The following TCEANC2 variants were observed in gnomAD, a reference collection of about 807,000 sequenced individuals.
The protein encoded by TCEANC2 is transcription elongation factor A N-terminal and central domain-containing protein 2.
In TCEANC2, 20 loss-of-function variants were observed where a neutral mutation model predicts 22.8. The observed-to-expected ratio is 0.88, with a 90% confidence interval of 0.62 to 1.28. The LOEUF is 1.28. Among genes scored for constraint, TCEANC2 ranks in the 50% most tolerant of loss-of-function variants. The pLI is 0.00. For synonymous variants in TCEANC2, 84 were observed against 95.5 expected (o/e 0.88, Z 0.70); for missense variants, 251 against 249.7 (o/e 1.01, Z -0.03).
At chr1:54,068,665 T>C (rs991239320) in intron 2 of TCEANC2, 91 bp from the exon 3 acceptor site, 1 of 1,319,262 alleles carries the variant, frequency 7.6e-7, no homozygotes, top group Non-Finnish European at 1.0e-6. Flanking sequence ...CAATAATTCA[T>C]ATGTCAATAG....
At chr1:54,092,486 A>G (rs189845181) in intron 4 of TCEANC2, among the ~76,000 whole-genome samples, 19 of 152,338 alleles carry the variant, frequency 1.2e-4, no homozygotes, top group South Asian at 6.2e-4. Context: ...TATCTGCTAT[A>G]TATATGATGT....
At position 54,088,788 on chromosome 1, in the gene TCEANC2, A is replaced by C; in HGVS notation, c.436A>C (p.Lys146Gln). ...ATTACTCTCAGAAGCCTTGGAATTA[A>C]AGGTAATGCCCTAAATATATACAAC... Reference protein sequence around the residue: ...QKLLSEALELKMDHLLVENIE... With the variant: ...QKLLSEALELQMDHLLVENIE... Residue 146 changes from lysine (K) to glutamine (Q), a missense_variant and splice_region_variant, in exon 4 of 5, where the codon AAG becomes CAG. Physicochemically the swap from Lys to Gln is moderately conservative, Grantham distance 53. Coordinates refer to ENST00000234827, the MANE Select transcript of TCEANC2 (RefSeq NM_153035.3). The C allele has an allele frequency of 6.3e-7, 1 of 1,579,332 alleles. No individual in the cohort carries two copies. Among genetic ancestry groups the C allele is most frequent in the Admixed American group, 1.9e-5 (1 of 52,546 alleles).
intron 3 of TCEANC2, among the ~76,000 whole-genome samples, chr1:54,075,778 C>T (rs952818551): frequency 1.3e-5 from 2 of 152,090 alleles, no homozygotes; most frequent in African/African-American, 2.4e-5. Flanking sequence ...CTTTGGGAGG[C>T]GCAGGCAAGT....
At chr1:54,091,163 A>C (rs948631627) in intron 4 of TCEANC2, among the ~76,000 whole-genome samples, 9 of 152,136 alleles carry the variant, frequency 5.9e-5, no homozygotes, top group East Asian at 5.8e-4. Flanking sequence ...AAAAAAAAAA[A>C]ATCACTCTGC....
At position 54,089,998 on chromosome 1, in the gene TCEANC2, T is replaced by C; in HGVS notation, c.438+1208T>C. The C allele has an allele frequency of 4.4e-6, 3 of 679,986 alleles. No individual in the cohort carries two copies. In the Admixed American group the frequency reaches 5.8e-5, roughly 13 times the overall value. 42.1% of individuals were successfully genotyped at this position (679,986 alleles called of 1,614,324 possible). ...GCTGTATTAGCTAGTGGAACCACTT[T>C]CTGTATTGCTATATGGACATAGGTA... is the stretch of plus-strand genomic sequence containing the variant. On this transcript the variant is annotated intron_variant, in intron 4 of 4. Transcript: ENST00000234827.
chr1:54,063,782 T>C (rs1455525723), intron 2 of TCEANC2, among the ~76,000 whole-genome samples: 1 of 152,204 alleles, frequency 6.6e-6, no homozygotes, highest in African/African-American at 2.4e-5. Context: ...ACAATGTAAA[T>C]GCTTTGTAAG....
chr1:54,096,697 A>G lies in TCEANC2; in HGVS notation c.*224A>G, dbSNP rs1180464910. On this transcript the variant is annotated 3_prime_UTR_variant, in exon 5 of 5. Transcript: ENST00000234827. This position sits in a 1 kb window ranked among gnomAD's most constrained non-coding sequence, Gnocchi z 4.9. ...GCTGGTGCTGCCTAACAGAACGCAC[A>G]CTGGCTGTCACTAGGAAGCGCCATA... The G allele has an allele frequency of 1.5e-5, 18 of 1,229,586 alleles. No homozygotes were observed. The highest frequency in any genetic ancestry group is 8.9e-5 in the East Asian group (3 of 33,628). 76.2% of individuals were successfully genotyped at this position (1,229,586 alleles called of 1,614,324 possible).
rs1313323058 is a variant in TCEANC2 at position 54,105,143 on chromosome 1, A to T, written c.*8670A>T. ...AGGTCCACCAGAACTTAAACCAAAAAGTAGAGCTGAGCAGCACAAATGTGG... is the reference window on the plus strand; with the variant it reads ...AGGTCCACCAGAACTTAAACCAAAATGTAGAGCTGAGCAGCACAAATGTGG... On this transcript the variant is annotated 3_prime_UTR_variant, in exon 5 of 5. Coordinates refer to ENST00000234827, the MANE Select transcript of TCEANC2 (RefSeq NM_153035.3). The T allele has an allele frequency of 6.5e-6, 1 of 153,990 alleles. No homozygotes were observed. The highest frequency in any genetic ancestry group is 1.4e-5 in the Non-Finnish European group (1 of 69,166). 9.5% of individuals were successfully genotyped at this position (153,990 alleles called of 1,614,324 possible).
downstream of TCEANC2, among the ~76,000 whole-genome samples, chr1:54,106,602 T>C (rs1227093322): frequency 6.6e-6 from 1 of 152,210 alleles, no homozygotes; most frequent in Non-Finnish European, 1.5e-5. Flanking sequence ...ATGTGGCTAG[T>C]GGCTACTGTG....
At chr1:54,054,984 G>A (rs1295285618) in intron 2 of TCEANC2, among the ~76,000 whole-genome samples, 1 of 152,006 alleles carries the variant, frequency 6.6e-6, no homozygotes, top group Non-Finnish European at 1.5e-5. Flanking sequence ...CGTTGTTGTT[G>A]TTTTTGTTTT....
chr1:54,087,659 C>T (rs946631553), intron 3 of TCEANC2, among the ~76,000 whole-genome samples: 2 of 152,154 alleles, frequency 1.3e-5, no homozygotes, highest in Non-Finnish European at 2.9e-5. Context: ...TTTGTTCCAA[C>T]TGGGATTTGA....
chr1:54,105,000 G>T lies in TCEANC2; in HGVS notation c.*8527G>T. ...ACACGTGCTGGCTGAGGGTAAGGAG[G>T]ATCTAGAATGGATAGTAGAAGAGGG... On this transcript the variant is annotated 3_prime_UTR_variant, in exon 5 of 5. Coordinates refer to ENST00000234827, the MANE Select transcript of TCEANC2 (RefSeq NM_153035.3). The T allele has an allele frequency of 5.8e-6, 1 of 172,050 alleles. No homozygotes were observed. The highest frequency in any genetic ancestry group is 1.6e-4 in the East Asian group (1 of 6,354). 10.7% of individuals were successfully genotyped at this position (172,050 alleles called of 1,614,324 possible).
chr1:54,062,587 T>A (rs1227928467), intron 2 of TCEANC2, among the ~76,000 whole-genome samples: 2 of 152,320 alleles, frequency 1.3e-5, no homozygotes, highest in East Asian at 3.9e-4. Flanking sequence ...TGGTAAGTAT[T>A]TGCAGAAAGC....
rs1557693202 is a variant in TCEANC2 at position 54,088,686 on chromosome 1, G to GA, written c.339dup (p.His114ThrfsTer4). 4 of 1,611,260 alleles carry GA rather than the reference G, an allele frequency of 2.5e-6. No homozygotes were observed. Among genetic ancestry groups the GA allele is most frequent in the East Asian group, 2.2e-5 (1 of 44,740 alleles). The stretch of plus-strand genomic sequence containing the variant: ...TTACACTGAGTGGAAAACTTTCACT[G>GA]AAAAACATTCAAATAGACCTTCTAT... On this transcript the variant is annotated frameshift_variant, in exon 4 of 5. Transcript: ENST00000234827. LOFTEE classifies it high-confidence loss of function.
chr1:54,056,475 G>A (rs1657754526), intron 2 of TCEANC2, among the ~76,000 whole-genome samples: 2 of 151,952 alleles, frequency 1.3e-5, no homozygotes, highest in South Asian at 2.1e-4. Context: ...ACAGGTGCCC[G>A]CCACCACGCC....
chr1:54,093,901 G>A (rs890244866), intron 4 of TCEANC2, among the ~76,000 whole-genome samples: 8 of 152,030 alleles, frequency 5.3e-5, no homozygotes, highest in Non-Finnish European at 7.4e-5. Context: ...GCCTCATACC[G>A]GGATAAGGAA....
chr1:54,071,000 G>A (rs1658045337), intron 3 of TCEANC2, among the ~76,000 whole-genome samples: 1 of 152,160 alleles, frequency 6.6e-6, no homozygotes, highest in Non-Finnish European at 1.5e-5. Context: ...TGTCAGGCCG[G>A]GGCACATCAC....
intron 2 of TCEANC2, among the ~76,000 whole-genome samples, chr1:54,055,070 C>T (rs192639098): frequency 1.3e-4 from 20 of 152,280 alleles, no homozygotes; most frequent in Admixed American, 3.9e-4. Context: ...CTCCACCTCC[C>T]GGCTTCATAT....
In TCEANC2 at chr1:54,105,068, G is replaced by C. The variant is rs1658727815; in HGVS notation, c.*8595G>C. On this transcript the variant is annotated 3_prime_UTR_variant, in exon 5 of 5. Coordinates refer to ENST00000234827, the MANE Select transcript of TCEANC2 (RefSeq NM_153035.3). The stretch of plus-strand genomic sequence containing the variant: ...TGTGGCCTCAAGACCAGTCAGTGAT[G>C]GAGGTTGTAGTTTGTCCAACTTACT... 6.5e-6 allele frequency: 1 copy of C among 154,766 alleles called. No homozygotes were observed. The allele number at this position is 154,766 out of a possible 1,614,324, so 9.6% of individuals were successfully genotyped here.
Sources: allele counts gnomAD v4.1 joint callset (sites outside exome capture counted in the v4.1 genomes callset), GRCh38; gene constraint gnomAD v4.1.1; non-coding constraint Gnocchi (gnomAD v3.1); transcripts MANE v1.5; gene names NCBI Gene and HGNC (gene_info 2026-07-23, HGNC 2026-07-21).